Variants in AMPH observed in about 807,000 individuals in gnomAD.
The protein encoded by AMPH is amphiphysin, also known as amphiphysin (Stiff-Mann syndrome with breast cancer 128kD autoantigen).
In AMPH, 49 loss-of-function variants were observed where a neutral mutation model predicts 99.1. That is an observed-to-expected ratio of 0.49 (90% CI 0.39 to 0.63). AMPH has a LOEUF of 0.63. AMPH is among the 20% of genes least tolerant of loss of function. The pLI is 0.00. For missense variants in AMPH, 759 were observed against 863.4 expected, an observed-to-expected ratio of 0.88 and a Z score of 1.52; for synonymous variants, 314 against 317.3, an observed-to-expected ratio of 0.99 and a Z score of 0.11.
In AMPH at chr7:38,631,057, C is replaced by A. The variant is rs544628561; in HGVS notation, c.69+226G>T. On this transcript the variant is annotated intron_variant, in intron 1 of 20. Transcript: ENST00000356264. ...CCGGCGTCTCCGGGGCCAGGGTCTG[C>A]GGGTCCCCGGCGCTGCGTCCTCCCG... 1.2e-4 allele frequency among the ~76,000 whole-genome samples: 19 copies of A among 152,236 alleles called. No individual in the cohort carries two copies. In the South Asian group the frequency reaches 3.9e-3, roughly 32 times the overall value.
At chr7:38,525,271 T>TAGAGAGAGAG (rs1260420807) in intron 2 of AMPH, among the ~76,000 whole-genome samples, 21 of 71,340 alleles carry the variant, frequency 2.9e-4, no homozygotes, top group Non-Finnish European at 4.9e-4. Flanking sequence ...TATATATATA[T>TAGAGAGAGAG]ATATATAGAG....
chr7:38,509,709 A>G (rs1249680592), intron 2 of AMPH, among the ~76,000 whole-genome samples: 2 of 152,238 alleles, frequency 1.3e-5, no homozygotes, highest in African/African-American at 4.8e-5. Flanking sequence ...GGCATTATTT[A>G]AAATCTTTTC....
intron 1 of AMPH, among the ~76,000 whole-genome samples, chr7:38,610,291 A>G (rs866235753): frequency 2.7e-3 from 66 of 24,688 alleles, no homozygotes; most frequent in African/African-American, 0.018. Flanking sequence ...AAAGAAAGAA[A>G]GAAAGAAAAG....
chr7:38,505,873 G>A (rs1350006145), intron 2 of AMPH, among the ~76,000 whole-genome samples: 1 of 151,994 alleles, frequency 6.6e-6, no homozygotes, highest in African/African-American at 2.4e-5. Context: ...AAAAAATATG[G>A]CTTTGGTAGA....
intron 11 of AMPH, among the ~76,000 whole-genome samples, chr7:38,441,808 A>ATCATATATCTG (rs1491009906): frequency 1.2e-3 from 71 of 61,542 alleles, no homozygotes; most frequent in African/African-American, 4.6e-3. Context: ...TCATATATAT[A>ATCATATATCTG]TCATATATAT....
intron 17 of AMPH, among the ~76,000 whole-genome samples, chr7:38,406,728 TTCCC>T (rs1305718186): frequency 0.073 from 3,928 of 53,898 alleles, 316 homozygotes; most frequent in East Asian, 0.17. Context: ...CTCTCTCCCT[TTCCC>T]TCTCTCTCTC....
intron 1 of AMPH, among the ~76,000 whole-genome samples, chr7:38,600,745 C>T (rs1793217508): frequency 6.6e-6 from 1 of 152,152 alleles, no homozygotes; most frequent in South Asian, 2.1e-4. Flanking sequence ...TTTCAGTGCC[C>T]TTTTAAATTC....
intron 1 of AMPH, among the ~76,000 whole-genome samples, chr7:38,555,243 A>C (rs1452517839): frequency 2.0e-5 from 2 of 101,342 alleles, no homozygotes; most frequent in African/African-American, 8.9e-5. Context: ...TGTCTCTAAC[A>C]CAATTTAAAA....
At chr7:38,580,490 G>A (rs1432687892) in intron 1 of AMPH, among the ~76,000 whole-genome samples, 2 of 152,020 alleles carry the variant, frequency 1.3e-5, no homozygotes, top group Non-Finnish European at 2.9e-5. Flanking sequence ...CACTCTCCAG[G>A]TTGGACGTCC....
chr7:38,558,071 T>C (rs566514075), intron 1 of AMPH, among the ~76,000 whole-genome samples: 162 of 151,932 alleles, frequency 1.1e-3, no homozygotes, highest in Non-Finnish European at 1.4e-3. Flanking sequence ...GAAAGATCCA[T>C]GAAACATTTA....
At chr7:38,575,524 A>T (rs1445101055) in intron 1 of AMPH, among the ~76,000 whole-genome samples, 1 of 152,120 alleles carries the variant, frequency 6.6e-6, no homozygotes, top group Non-Finnish European at 1.5e-5. Flanking sequence ...CATGATAGTT[A>T]GTGAGTTCTC....
chr7:38,606,566 C>CTTTTTTTT (rs56934636), intron 1 of AMPH, among the ~76,000 whole-genome samples: 4 of 97,292 alleles, frequency 4.1e-5, no homozygotes, highest in Admixed American at 1.3e-4. Context: ...ACGTCATTCT[C>CTTTTTTTT]TTTTTTTTTT....
chr7:38,466,371 G>A, intron 7 of AMPH, 123 bp from the exon 8 acceptor site: 1 of 755,362 alleles, frequency 1.3e-6, no homozygotes. Context: ...GAATAACTTT[G>A]GACTAAATAA....
At position 38,423,389 on chromosome 7, in the gene AMPH, C is replaced by G. The variant is rs73350716; in HGVS notation, c.1216-912G>C. Reference sequence around the variant, plus strand: ...CCAGGTGTCTTTCCTGGGAAATCTGCCAGCTCAAGGAAAAAAACAAAATGC... The same window carrying G: ...CCAGGTGTCTTTCCTGGGAAATCTGGCAGCTCAAGGAAAAAAACAAAATGC... On this transcript the variant is annotated intron_variant, in intron 15 of 20. Coordinates refer to ENST00000356264, the MANE Select transcript of AMPH (RefSeq NM_001635.4). Among the ~76,000 whole-genome samples the G allele has an allele frequency of 4.8e-3, 737 of 152,234 alleles. 7 individuals carry two copies. Among genetic ancestry groups the G allele is most frequent in the African/African-American group, 0.015 (606 of 41,538 alleles).
chr7:38,535,467 A>T (rs1399464879), intron 1 of AMPH, among the ~76,000 whole-genome samples: 1 of 152,158 alleles, frequency 6.6e-6, no homozygotes, highest in East Asian at 1.9e-4. Context: ...GGCACCAGGG[A>T]CCAGTTTCAT....
At chr7:38,438,698 C>A (rs1001897876) in intron 11 of AMPH, among the ~76,000 whole-genome samples, 2 of 152,110 alleles carry the variant, frequency 1.3e-5, no homozygotes, top group African/African-American at 2.4e-5. Context: ...TGTGGTTATA[C>A]CCCAATTTTA....
At chr7:38,479,924 T>C (rs1401391392) in intron 5 of AMPH, among the ~76,000 whole-genome samples, 1 of 152,076 alleles carries the variant, frequency 6.6e-6, no homozygotes, top group Admixed American at 6.6e-5. Flanking sequence ...TCTGATTTAA[T>C]TAGACTGAGG....
At chr7:38,422,970 T>C (rs1785645241) in intron 15 of AMPH, among the ~76,000 whole-genome samples, 1 of 152,190 alleles carries the variant, frequency 6.6e-6, no homozygotes, top group South Asian at 2.1e-4. Flanking sequence ...TTTTAAATCA[T>C]TAAGTCAAAA....
rs1175775183 is a variant in AMPH at position 38,571,275 on chromosome 7, ATATTTTTATATATATTTATATAT to A, written c.70-36287_70-36265del. ...ATATATTAAATATATATTTATATATATATTTTTATATATATTTATATATGAATATATATATTTATATATAGAAT... is the reference window on the plus strand; with the variant it reads ...ATATATTAAATATATATTTATATATAGAATATATATATTTATATATAGAAT... On this transcript the variant is annotated intron_variant, in intron 1 of 20. Transcript: ENST00000356264. Among the ~76,000 whole-genome samples, 435 of 54,282 alleles carry A rather than the reference ATATTTTTATATATATTTATATAT, an allele frequency of 8.0e-3. 11 individuals carry two copies. Among genetic ancestry groups the A allele is most frequent in the African/African-American group, 0.039 (390 of 10,034 alleles). The allele number at this position is 54,282 out of a possible 152,430, so 35.6% of individuals were successfully genotyped here.
Sources: allele counts gnomAD v4.1 joint callset (sites outside exome capture counted in the v4.1 genomes callset), GRCh38; gene constraint gnomAD v4.1.1; transcripts MANE v1.5; gene names NCBI Gene and HGNC (gene_info 2026-07-23, HGNC 2026-07-21).